ERBB4: variants seen among roughly 807,000 people sequenced by gnomAD.
ERBB4 encodes receptor tyrosine-protein kinase erbB-4.
A neutral mutation model predicts 158.0 loss-of-function variants in ERBB4; 42 were observed. The ratio of observed to expected loss-of-function variants is 0.27; its 90% confidence interval spans 0.21 to 0.34. The LOEUF (loss-of-function observed/expected upper bound fraction) is 0.34. Ranked by LOEUF, ERBB4 falls within the 10% of genes least tolerant of loss-of-function variation. The pLI is 1.00. For synonymous variants in ERBB4, 583 were observed against 558.7 expected (o/e 1.04, Z -0.61); for missense variants, 1,333 against 1,624.1 (o/e 0.82, Z 3.08).
At chr2:212,326,524 G>A (rs1450881099) in intron 1 of ERBB4, among the ~76,000 whole-genome samples, 1 of 150,666 alleles carries the variant, frequency 6.6e-6, no homozygotes, top group Non-Finnish European at 1.5e-5. Context: ...ATACGCTTTA[G>A]CCCAAAAGCT....
Position 212,289,712 on chromosome 2 carries a change from C to A in ERBB4, c.83-164809G>T, listed in dbSNP as rs942061743. On this transcript the variant is annotated intron_variant, in intron 1 of 27. Transcript: ENST00000342788. ...GGCAGTTAGTAGCTAGGGATTTAAA[C>A]CACTACAACAAAGTTTTAAGGAAGA... Among the ~76,000 whole-genome samples, 23 of 152,106 alleles carry A rather than the reference C, an allele frequency of 1.5e-4. 1 individual carries two copies. Among genetic ancestry groups the A allele is most frequent in the Admixed American group, 1.4e-3 (22 of 15,260 alleles).
At chr2:212,490,084 C>A (rs1056115727) in intron 1 of ERBB4, among the ~76,000 whole-genome samples, 9 of 151,776 alleles carry the variant, frequency 5.9e-5, no homozygotes, top group South Asian at 2.1e-4. Context: ...GCTAATTAGA[C>A]CTTCTGTCTA....
At chr2:212,128,510 A>G (rs569743526) in intron 1 of ERBB4, among the ~76,000 whole-genome samples, 1 of 152,306 alleles carries the variant, frequency 6.6e-6, no homozygotes, top group South Asian at 2.1e-4. Flanking sequence ...CACCTTAGAG[A>G]TGGCTGAGAA....
At chr2:212,138,787 C>T (rs1482929944) in intron 1 of ERBB4, among the ~76,000 whole-genome samples, 2 of 152,148 alleles carry the variant, frequency 1.3e-5, no homozygotes, top group African/African-American at 4.8e-5. Flanking sequence ...CGGATACACA[C>T]ATTATTGAAA....
chr2:212,097,629 T>C (rs2078968810), intron 2 of ERBB4, among the ~76,000 whole-genome samples: 1 of 152,106 alleles, frequency 6.6e-6, no homozygotes, highest in Non-Finnish European at 1.5e-5. Flanking sequence ...AATATTTAAA[T>C]GGTGATGCAG....
At chr2:212,397,479 AAAAG>A (rs2091063600) in intron 1 of ERBB4, among the ~76,000 whole-genome samples, 1 of 146,112 alleles carries the variant, frequency 6.8e-6, no homozygotes, top group Non-Finnish European at 1.5e-5. Context: ...CAAAAGACAG[AAAAG>A]AAAGAAAAAA....
intron 3 of ERBB4, among the ~76,000 whole-genome samples, chr2:211,930,852 G>A (rs1456587031): frequency 6.6e-6 from 1 of 152,108 alleles, no homozygotes; most frequent in African/African-American, 2.4e-5. Context: ...AACTAATTAT[G>A]AAATATCTAG....
intron 16 of ERBB4, among the ~76,000 whole-genome samples, chr2:211,642,910 A>T (rs2070650100): frequency 6.6e-6 from 1 of 152,144 alleles, no homozygotes; most frequent in African/African-American, 2.4e-5. Context: ...GCTTCTCTGA[A>T]ATGAAGCTGA....
chr2:211,828,328 C>T (rs1011847113), intron 3 of ERBB4, among the ~76,000 whole-genome samples: 5 of 152,140 alleles, frequency 3.3e-5, no homozygotes, highest in Middle Eastern at 3.4e-3. Context: ...TTATCATTTT[C>T]GCACCAGAAG....
chr2:212,314,025 T>C (rs2087160652), intron 1 of ERBB4, among the ~76,000 whole-genome samples: 1 of 151,032 alleles, frequency 6.6e-6, no homozygotes, highest in Admixed American at 6.6e-5. Flanking sequence ...AAAAATATAG[T>C]TAAATCAGTT....
At chr2:212,530,673 GGA>G (rs1448888992) in intron 1 of ERBB4, among the ~76,000 whole-genome samples, 2 of 152,126 alleles carry the variant, frequency 1.3e-5, no homozygotes, top group Non-Finnish European at 2.9e-5. Flanking sequence ...CCCCAGCAGA[GGA>G]GAGAAAACAA....
intron 20 of ERBB4, among the ~76,000 whole-genome samples, chr2:211,536,815 C>T (rs1489677725): frequency 6.6e-6 from 1 of 151,962 alleles, no homozygotes; most frequent in African/African-American, 2.4e-5. Flanking sequence ...TCTGGATAGC[C>T]TATTAACTTT....
Position 211,978,364 on chromosome 2 carries a change from G to A in ERBB4, c.235-30748C>T, listed in dbSNP as rs532869377. ...GAGCCAGAAAGTGAAAGGAGTCTGA[G>A]TCTGTCTGTCTGTCTGTCTGTCTGT... On this transcript the variant is annotated intron_variant, in intron 2 of 27. Coordinates refer to ENST00000342788, the MANE Select transcript of ERBB4 (RefSeq NM_005235.3). Among the ~76,000 whole-genome samples the A allele has an allele frequency of 3.9e-3, 226 of 57,862 alleles. 1 individual carries two copies. The highest frequency in any genetic ancestry group is 0.012 in the African/African-American group (220 of 18,488). 38.0% of individuals were successfully genotyped at this position (57,862 alleles called of 152,430 possible). A position where few individuals can be genotyped will look rare whatever the true frequency, so the allele number is the denominator to read the frequency against.
In ERBB4 at chr2:212,322,671, AAATT is replaced by A. The variant is rs374913038; in HGVS notation, c.83-197772_83-197769del. 5.0e-3 allele frequency among the ~76,000 whole-genome samples: 748 copies of A among 150,376 alleles called. 13 individuals are homozygous for A. Among genetic ancestry groups the A allele is most frequent in the African/African-American group, 0.016 (661 of 41,346 alleles). On this transcript the variant is annotated intron_variant, in intron 1 of 27. Transcript: ENST00000342788. ...TGGCCACATGCTCATGCAGCTTTTC[AAATT>A]AATATGCCTAGATTACTGAGCCAGT...
At chr2:212,189,549 T>G (rs2125706794) in intron 1 of ERBB4, among the ~76,000 whole-genome samples, 1 of 152,310 alleles carries the variant, frequency 6.6e-6, no homozygotes, top group East Asian at 1.9e-4. Context: ...GGCTCTTTCT[T>G]GAGAGCGACA....
chr2:211,951,824 T>C (rs1263933516), intron 2 of ERBB4, among the ~76,000 whole-genome samples: 1 of 152,098 alleles, frequency 6.6e-6, no homozygotes, highest in Non-Finnish European at 1.5e-5. Flanking sequence ...CAAATATCCT[T>C]TTCTTATGTG....
chr2:211,889,718 G>C (rs572943962), intron 3 of ERBB4, among the ~76,000 whole-genome samples: 3,561 of 149,658 alleles, frequency 0.024, 84 homozygotes, highest in South Asian at 0.042. Flanking sequence ...TAAAGCAGCT[G>C]ATGGAGCTGA....
intron 1 of ERBB4, among the ~76,000 whole-genome samples, chr2:212,291,206 T>C (rs999271866): frequency 2.0e-5 from 3 of 152,104 alleles, no homozygotes; most frequent in African/African-American, 4.8e-5. Context: ...ACACAGCCCA[T>C]GACAAGTTTA....
At chr2:211,580,801 T>C (rs1246986889) in intron 19 of ERBB4, among the ~76,000 whole-genome samples, 1 of 28,470 alleles carries the variant, frequency 3.5e-5, no homozygotes, top group Non-Finnish European at 6.9e-5. Flanking sequence ...TATATATATA[T>C]ATATATATAT....
Sources: allele counts gnomAD v4.1 joint callset (sites outside exome capture counted in the v4.1 genomes callset), GRCh38; gene constraint gnomAD v4.1.1; transcripts MANE v1.5; gene names NCBI Gene and HGNC (gene_info 2026-07-23, HGNC 2026-07-21).